The following CHD5 variants were observed in gnomAD, a reference collection of about 807,000 sequenced individuals.
CHD5 encodes the protein ATP-dependent chromatin remodeler CHD5.
Under a neutral mutation model 230.3 loss-of-function variants are expected in CHD5, and 69 were observed. The observed-to-expected ratio is 0.30, with a 90% CI of 0.25 to 0.37. The LOEUF (loss-of-function observed/expected upper bound fraction) is 0.37, where lower values mean the gene tolerates loss of function less well. Ranked by LOEUF, CHD5 falls within the 10% of genes least tolerant of loss-of-function variation. CHD5 has a pLI of 1.00. For synonymous variants in CHD5, 1,064 were observed against 1,065.9 expected (o/e 1.00, Z 0.03); for missense variants, 1,827 against 2,622.8 (o/e 0.70, Z 6.63).
chr1:6,159,240 C>G, intron 3 of CHD5, 96 bp downstream of exon 3: 2 of 1,507,136 alleles, frequency 1.3e-6, no homozygotes, highest in East Asian at 2.5e-5. Flanking sequence ...CACACACACA[C>G]ACACACACAC....
At position 6,152,437 on chromosome 1, in the gene CHD5, C is replaced by A. The variant is rs1484509736; in HGVS notation, c.845G>T (p.Ser282Ile). 3 of 1,613,994 alleles carry A rather than the reference C, an allele frequency of 1.9e-6. No individual in the cohort carries two copies. Among genetic ancestry groups the A allele is most frequent in the Non-Finnish European group, 2.5e-6 (3 of 1,179,988 alleles). Residue 282 changes from serine to isoleucine, a missense_variant, in exon 6 of 42, where the codon AGC (serine) becomes ATC (isoleucine). Coordinates refer to ENST00000262450, the MANE Select transcript of CHD5 (RefSeq NM_015557.3). ...CGAGGAGCCTTTCTTCCTCTTGTTG[C>A]TGATCCCCCCGAAGCGGAACTTGAG... The part of the protein sequence containing the change: ...AGLKFRFGGI[S>I]NKRKKGSSSE...
chr1:6,156,209 G>A (rs1667079073), intron 3 of CHD5, among the ~76,000 whole-genome samples: 1 of 152,170 alleles, frequency 6.6e-6, no homozygotes, highest in African/African-American at 2.4e-5. Context: ...GAGGCCGCAG[G>A]GCTCCAGGGC....
In CHD5 at chr1:6,146,530, CTCCCGCT is replaced by C; in HGVS notation, c.1591-114_1591-108del. 7.1e-7 allele frequency: 1 copy of C among 1,401,746 alleles called. No homozygotes were observed. The highest frequency in any genetic ancestry group is 1.0e-6 in the Non-Finnish European group (1 of 999,962). The allele number at this position is 1,401,746 out of a possible 1,614,324, so 86.8% of individuals were successfully genotyped here. A position where few individuals can be genotyped will look rare whatever the true frequency, so the allele number is the denominator to read the frequency against. ...AGCCCAGGTCCCAGGCAGGACAATC[CTCCCGCT>C]CAGCACCACCCCAACTCCCAACAGC... On this transcript the variant is annotated intron_variant, in intron 10 of 41. Coordinates refer to ENST00000262450, the MANE Select transcript of CHD5 (RefSeq NM_015557.3). This position sits in a 1 kb window ranked among gnomAD's most constrained non-coding sequence, Gnocchi z 5.1.
At chr1:6,152,635 G>C in intron 5 of CHD5, 99 bp from the exon 6 acceptor site, 1 of 1,570,376 alleles carries the variant, frequency 6.4e-7, no homozygotes, top group Non-Finnish European at 8.6e-7. Flanking sequence ...TAAGGAAAGG[G>C]TCATTTCTAC....
rs1247188976 is a variant in CHD5 at position 6,134,364 on chromosome 1, T to C, written c.3013-105A>G. 1.5e-6 allele frequency: 2 copies of C among 1,343,064 alleles called. No individual in the cohort carries two copies. Among genetic ancestry groups the C allele is most frequent in the Non-Finnish European group, 2.1e-6 (2 of 968,868 alleles). 83.2% of individuals were successfully genotyped at this position (1,343,064 alleles called of 1,614,324 possible). ...AGACAAGTGCTGAGCAATGGGGTGA[T>C]GGCCTGTCTGCCCACTGAACATGAG... is the stretch of plus-strand genomic sequence containing the variant. On this transcript the variant is annotated intron_variant, in intron 19 of 41. Coordinates refer to ENST00000262450, the MANE Select transcript of CHD5 (RefSeq NM_015557.3). The surrounding 1 kb of genome is among the most constrained non-coding windows in gnomAD (Gnocchi z 6.3).
At chr1:6,162,755 C>CCCACAT (rs1328278352) in intron 2 of CHD5, among the ~76,000 whole-genome samples, 7 of 152,226 alleles carry the variant, frequency 4.6e-5, no homozygotes, top group Non-Finnish European at 1.0e-4. Context: ...CAAGCTCACC[C>CCCACAT]CCACATTTTT....
At chr1:6,179,347 A>G (rs1247752809) in intron 1 of CHD5, among the ~76,000 whole-genome samples, 2 of 152,080 alleles carry the variant, frequency 1.3e-5, no homozygotes, top group Non-Finnish European at 2.9e-5. Context: ...CACAGAGGCC[A>G]GGAAAGAGGA....
At chr1:6,108,782 G>A (rs2100830009) in intron 38 of CHD5, among the ~76,000 whole-genome samples, 1 of 147,402 alleles carries the variant, frequency 6.8e-6, no homozygotes, top group South Asian at 2.2e-4. Context: ...GAATTATGGA[G>A]GGATGGAAGG....
At chr1:6,179,069 T>C (rs896314228) in intron 1 of CHD5, among the ~76,000 whole-genome samples, 1 of 152,188 alleles carries the variant, frequency 6.6e-6, no homozygotes, top group Admixed American at 6.5e-5. Flanking sequence ...CCCAAACAAA[T>C]GGTGAGCAGT....
Position 6,159,337 on chromosome 1 carries a change from T to G in CHD5, c.386A>C (p.Lys129Thr), listed in dbSNP as rs1165858294. 1 of 1,551,386 alleles carries G rather than the reference T, an allele frequency of 6.4e-7. No homozygotes were observed. The highest frequency in any genetic ancestry group is 8.7e-7 in the Non-Finnish European group (1 of 1,146,908). The change falls in exon 3 of 42, where the codon AAG becomes ACG. Residue 129 changes from lysine (K) to threonine (T), a missense_variant and splice_region_variant. By Grantham distance (78) the Lys-to-Thr change is moderately conservative. Transcript: ENST00000262450. ...CCCCAGCCAGGCCTCCACAGTTACC[T>G]TTAAGCATCCATCATCATTATCATC... ...DEDDNDDGCL[K>T]EPKSSGQLMA...
rs1666920528 is a variant in CHD5, at chr1:6,146,881, G to A, written c.1384-10C>T. 1 of 1,485,704 alleles carries A rather than the reference G, an allele frequency of 6.7e-7. No individual in the cohort carries two copies. Among genetic ancestry groups the A allele is most frequent in the Non-Finnish European group, 9.0e-7 (1 of 1,115,784 alleles). 92.0% of individuals were successfully genotyped at this position (1,485,704 alleles called of 1,614,324 possible). ...CCTTCAGTGGGGGGCACTGTGGACA[G>A]AGAAGGGTCCCCAAGGTGGGGCTCA... On this transcript the variant is annotated splice_polypyrimidine_tract_variant and intron_variant, in intron 9 of 41. Transcript: ENST00000262450. The surrounding 1 kb of genome is among the most constrained non-coding windows in gnomAD (Gnocchi z 5.1).
chr1:6,147,595 A>G (rs1666931343), intron 9 of CHD5, among the ~76,000 whole-genome samples: 1 of 152,202 alleles, frequency 6.6e-6, no homozygotes. Flanking sequence ...CTGACTGGAC[A>G]GGGTCGGGGG....
chr1:6,132,880 T>TTCTCTCTCTCTCTCTCTCTCTC lies in CHD5; in HGVS notation c.3145-1154_3145-1133dup, dbSNP rs111561200. Among the ~76,000 whole-genome samples, 70 of 144,520 alleles carry TTCTCTCTCTCTCTCTCTCTCTC rather than the reference T, an allele frequency of 4.8e-4. 1 individual carries two copies. The highest frequency in any genetic ancestry group is 1.7e-3 in the African/African-American group (68 of 39,152). 94.8% of individuals were successfully genotyped at this position (144,520 alleles called of 152,430 possible). On this transcript the variant is annotated intron_variant, in intron 20 of 41. Coordinates refer to ENST00000262450, the MANE Select transcript of CHD5 (RefSeq NM_015557.3). ...AGTCTTTTCAGGCTATCCTATTCTT[T>TTCTCTCTCTCTCTCTCTCTCTC]TCTCTCTCTCTCTCTCTCTCTCTCT...
chr1:6,113,009 A>T lies in CHD5; in HGVS notation c.4913-11T>A, dbSNP rs1251639676. On this transcript the variant is annotated splice_polypyrimidine_tract_variant and intron_variant, in intron 33 of 41. Coordinates refer to ENST00000262450, the MANE Select transcript of CHD5 (RefSeq NM_015557.3). ...CAGGAAGCACCTCCTCTGCAAGAAA[A>T]AGAGGGTTCGCGGCATGGGGTGGGG... The T allele has an allele frequency of 6.2e-7, 1 of 1,603,352 alleles. No individual in the cohort carries two copies. The highest frequency in any genetic ancestry group is 2.2e-5 in the East Asian group (1 of 44,832).
intron 11 of CHD5, among the ~76,000 whole-genome samples, chr1:6,144,362 C>G (rs1245083346): frequency 6.6e-6 from 1 of 152,122 alleles, no homozygotes; most frequent in African/African-American, 2.4e-5. Flanking sequence ...GGGGATGTGG[C>G]AGAGCTGGAG....
rs373241536 is a variant in CHD5 at position 6,151,096 on chromosome 1, G to A, written c.930C>T (p.Ser310=). The A allele has an allele frequency of 6.8e-5, 109 of 1,609,688 alleles. No individual in the cohort carries two copies. The highest frequency in any genetic ancestry group is 1.6e-4 in the Middle Eastern group (1 of 6,074). ...DFDSASIHSA[S]VRSECSAALG... ...GGGCTGCAGAGCATTCGGAGCGCAC[G>A]GAGGCACTGTGGATGCTGGCGCTGT... is the stretch of plus-strand genomic sequence containing the variant. Residue 310 remains serine, a synonymous_variant, in exon 7 of 42, where the codon TCC becomes TCT. Coordinates refer to ENST00000262450, the MANE Select transcript of CHD5 (RefSeq NM_015557.3).
At chr1:6,163,401 TC>T (rs1388274134) in intron 2 of CHD5, among the ~76,000 whole-genome samples, 5 of 152,264 alleles carry the variant, frequency 3.3e-5, no homozygotes, top group South Asian at 4.1e-4. Flanking sequence ...CAGCTGGGCC[TC>T]CCACCTGCAC....
At chr1:6,150,242 T>C (rs934627638) in intron 7 of CHD5, among the ~76,000 whole-genome samples, 1 of 144,530 alleles carries the variant, frequency 6.9e-6, no homozygotes, top group African/African-American at 2.6e-5. Context: ...GACAAATGAA[T>C]GGATAACGGA....
At chr1:6,150,909 C>T (rs894582151) in intron 7 of CHD5, 123 bp downstream of exon 7, 52 of 1,227,982 alleles carry the variant, frequency 4.2e-5, no homozygotes, top group Middle Eastern at 2.1e-4. Flanking sequence ...CTGCTTCCCA[C>T]GGGGAGGTTC....
Sources: gnomAD v4.1 joint callset for allele counts (sites outside exome capture counted in the v4.1 genomes callset) on GRCh38, gnomAD v4.1.1 for gene constraint, Gnocchi (gnomAD v3.1) non-coding constraint, MANE v1.5 for transcripts, NCBI Gene and HGNC (gene_info 2026-07-23, HGNC 2026-07-21) for gene names.